Variants in NRXN3 observed in about 807,000 individuals in gnomAD.
NRXN3 encodes neurexin III.
Under a neutral mutation model 137.6 loss-of-function variants are expected in NRXN3, and 32 were observed. The observed-to-expected ratio is 0.23, with a 90% CI of 0.18 to 0.31. The LOEUF (loss-of-function observed/expected upper bound fraction) is 0.31, where lower values mean the gene tolerates loss of function less well. Among genes scored for constraint, NRXN3 ranks in the 10% least tolerant of loss-of-function variants. The pLI, the probability that NRXN3 is intolerant of heterozygous loss-of-function variation, is 1.00. For missense variants in NRXN3, 1,574 were observed against 2,062.5 expected (o/e 0.76, Z 4.59); for synonymous variants, 798 against 784.5 (o/e 1.02, Z -0.29).
At chr14:79,244,453 C>A (rs139542932) in intron 15 of NRXN3, among the ~76,000 whole-genome samples, 49 of 152,224 alleles carry the variant, frequency 3.2e-4, no homozygotes, top group Admixed American at 2.9e-3. Flanking sequence ...AGCCTCATAA[C>A]GCGTGAACGT....
chr14:79,234,551 A>G (rs1263184910), intron 15 of NRXN3, among the ~76,000 whole-genome samples: 1 of 150,058 alleles, frequency 6.7e-6, no homozygotes, highest in African/African-American at 2.5e-5. Context: ...CGCCTGGCTA[A>G]GTTTTGTATT....
chr14:78,511,551 G>T (rs1330641760), intron 4 of NRXN3, among the ~76,000 whole-genome samples: 2 of 152,062 alleles, frequency 1.3e-5, no homozygotes, highest in Non-Finnish European at 2.9e-5. Context: ...CCTCCAAGGT[G>T]GTTCTCAGCA....
chr14:79,146,595 C>T (rs187210790), intron 15 of NRXN3, among the ~76,000 whole-genome samples: 2 of 152,082 alleles, frequency 1.3e-5, no homozygotes, highest in South Asian at 2.1e-4. Context: ...GGCTTTAGAA[C>T]GCAGGTCTTA....
rs529114575 is a variant in NRXN3, at chr14:78,172,815, AG to A, written c.-704+2146del. ...AAAAAAATTGCTTCTTGAGAAGAGG[AG>A]GGGGCAGAAATTAAAGGGATTCTAG... On this transcript the variant is annotated intron_variant, in intron 1 of 20. Transcript: ENST00000335750. Among the ~76,000 whole-genome samples, 136 of 152,210 alleles carry A rather than the reference AG, an allele frequency of 8.9e-4. 1 individual carries two copies. The highest frequency in any genetic ancestry group is 3.7e-3 in the East Asian group (19 of 5,178).
chr14:78,424,309 A>G (rs546227223), intron 4 of NRXN3, among the ~76,000 whole-genome samples: 1 of 152,252 alleles, frequency 6.6e-6, no homozygotes, highest in African/African-American at 2.4e-5. Context: ...CTGAATTTGC[A>G]TCCAATGCCT....
At chr14:79,616,151 T>C (rs1370885706) in intron 16 of NRXN3, among the ~76,000 whole-genome samples, 2 of 152,150 alleles carry the variant, frequency 1.3e-5, no homozygotes, top group Non-Finnish European at 2.9e-5. Context: ...TTTAGAAATA[T>C]TGTTGTGGAA....
At chr14:78,536,794 C>A (rs891831914) in intron 4 of NRXN3, among the ~76,000 whole-genome samples, 2 of 122,348 alleles carry the variant, frequency 1.6e-5, no homozygotes, top group Admixed American at 1.0e-4. Context: ...GTGTGATGTT[C>A]CCCGGCCTGT....
At chr14:79,613,759 C>A (rs2098127793) in intron 16 of NRXN3, among the ~76,000 whole-genome samples, 1 of 152,150 alleles carries the variant, frequency 6.6e-6, no homozygotes, top group Non-Finnish European at 1.5e-5. Context: ...GTTCACAGTG[C>A]CTAGCTCCCA....
At chr14:78,248,018 A>G (rs1422578193) in intron 2 of NRXN3, among the ~76,000 whole-genome samples, 2 of 152,112 alleles carry the variant, frequency 1.3e-5, no homozygotes, top group Non-Finnish European at 2.9e-5. Flanking sequence ...AAATCTACCT[A>G]TGTCACATAT....
At chr14:78,312,573 C>A (rs1276945067) in intron 4 of NRXN3, among the ~76,000 whole-genome samples, 2 of 143,574 alleles carry the variant, frequency 1.4e-5, no homozygotes, top group Non-Finnish European at 3.0e-5. Context: ...ATTTTTTCAA[C>A]TAAAAAGAAA....
At chr14:78,527,909 A>G in intron 4 of NRXN3, among the ~76,000 whole-genome samples, 1 of 152,184 alleles carries the variant, frequency 6.6e-6, no homozygotes, top group East Asian at 1.9e-4. Context: ...GTGAAGTAAA[A>G]CTTTATCAAG....
chr14:79,307,990 T>C (rs370474949), intron 15 of NRXN3, among the ~76,000 whole-genome samples: 1 of 152,108 alleles, frequency 6.6e-6, no homozygotes, highest in East Asian at 1.9e-4. Context: ...GTCTTTGGTT[T>C]ATAAATGGTG....
chr14:79,219,851 T>G (rs548956451), intron 15 of NRXN3, among the ~76,000 whole-genome samples: 1 of 152,222 alleles, frequency 6.6e-6, no homozygotes, highest in African/African-American at 2.4e-5. Flanking sequence ...AGAGGCAGAG[T>G]TGTTTTCCCA....
At chr14:78,378,222 C>T (rs894310989) in intron 4 of NRXN3, among the ~76,000 whole-genome samples, 11 of 152,268 alleles carry the variant, frequency 7.2e-5, no homozygotes, top group South Asian at 4.1e-4. Context: ...CGGTGGCTCA[C>T]GCCTATAATC....
chr14:78,715,075 C>G lies in NRXN3; in HGVS notation c.1980C>G (p.Asp660Glu). Residue 660 changes from aspartate (D) to glutamate (E), a missense_variant, in exon 8 of 21, where the codon GAC becomes GAG. By Grantham distance (45) the Asp-to-Glu change is conservative. Coordinates refer to ENST00000335750, the MANE Select transcript of NRXN3 (RefSeq NM_001330195.2). ...YPCKNNAVCK[D>E]GWNRFICDCT... ...GCAAGAATAATGCTGTGTGCAAGGA[C>G]GGCTGGAACCGCTTCATCTGCGACT... The G allele has an allele frequency of 6.2e-7, 1 of 1,613,306 alleles. No homozygotes were observed. The highest frequency in any genetic ancestry group is 1.1e-5 in the South Asian group (1 of 91,086).
chr14:79,406,240 A>C (rs2095308498), intron 15 of NRXN3, among the ~76,000 whole-genome samples: 1 of 150,042 alleles, frequency 6.7e-6, no homozygotes, highest in African/African-American at 2.5e-5. Flanking sequence ...TAGACATTGC[A>C]TTCCCCTCCC....
chr14:78,900,621 T>TA (rs1279089523), intron 10 of NRXN3, among the ~76,000 whole-genome samples: 1 of 151,874 alleles, frequency 6.6e-6, no homozygotes, highest in African/African-American at 2.4e-5. Context: ...TACAAATCTG[T>TA]AAAAAATAAA....
intron 15 of NRXN3, among the ~76,000 whole-genome samples, chr14:79,336,212 G>A (rs1299427938): frequency 6.6e-6 from 1 of 152,144 alleles, no homozygotes. Context: ...CTGCTAGAAT[G>A]CATAAACTCC....
intron 15 of NRXN3, among the ~76,000 whole-genome samples, chr14:79,058,998 G>C (rs867070268): frequency 6.6e-6 from 1 of 152,056 alleles, no homozygotes; most frequent in Non-Finnish European, 1.5e-5. Flanking sequence ...CCCAGTTTCA[G>C]GTAGTATCTT....
Sources: allele counts gnomAD v4.1 joint callset (sites outside exome capture counted in the v4.1 genomes callset), GRCh38; gene constraint gnomAD v4.1.1; transcripts MANE v1.5; gene names NCBI Gene and HGNC (gene_info 2026-07-23, HGNC 2026-07-21).